The following PHACTR2 variants were observed in gnomAD, a reference collection of about 807,000 sequenced individuals.
PHACTR2 encodes chromosome 6 open reading frame 56.
PHACTR2 carries 30 observed loss-of-function variants against 76.0 expected under a neutral mutation model. That is an observed-to-expected ratio of 0.39 (90% CI 0.30 to 0.54). The LOEUF (loss-of-function observed/expected upper bound fraction) is 0.54. Among genes scored for constraint, PHACTR2 ranks in the 20% least tolerant of loss-of-function variants. The probability of loss-of-function intolerance (pLI) is 0.61; values close to 1 mark genes in which losing one functional copy is unlikely to be tolerated. For missense variants in PHACTR2, 696 were observed against 781.1 expected (o/e 0.89, Z 1.30); for synonymous variants, 292 against 292.5 (o/e 1.00, Z 0.02).
chr6:143,779,123 G>A (rs1775357415), intron 9 of PHACTR2, among the ~76,000 whole-genome samples: 2 of 152,288 alleles, frequency 1.3e-5, no homozygotes, highest in South Asian at 4.1e-4. Flanking sequence ...ACAGCCAAGG[G>A]AGGCAGAAGA....
At chr6:143,682,805 T>G (rs1032090509) in intron 1 of PHACTR2, among the ~76,000 whole-genome samples, 9 of 152,124 alleles carry the variant, frequency 5.9e-5, no homozygotes, top group African/African-American at 2.2e-4. Flanking sequence ...TTTTTACCAT[T>G]AACTGTGCTA....
At chr6:143,555,576 T>G (rs901699376) in intron 1 of PHACTR2, among the ~76,000 whole-genome samples, 2 of 152,168 alleles carry the variant, frequency 1.3e-5, no homozygotes, top group Non-Finnish European at 2.9e-5. Flanking sequence ...CACAGAAATA[T>G]TTTACATTTT....
intron 9 of PHACTR2, among the ~76,000 whole-genome samples, chr6:143,781,679 A>G (rs1478944053): frequency 6.6e-6 from 1 of 152,210 alleles, no homozygotes; most frequent in East Asian, 1.9e-4. Context: ...TTGACAATCC[A>G]CAAGCTTTAT....
At chr6:143,810,883 A>T (rs910697865) in intron 12 of PHACTR2, among the ~76,000 whole-genome samples, 2 of 151,776 alleles carry the variant, frequency 1.3e-5, no homozygotes, top group East Asian at 3.9e-4. Flanking sequence ...TTTGTCTTTT[A>T]TATGGATTGG....
intron 1 of PHACTR2, among the ~76,000 whole-genome samples, chr6:143,649,098 CA>C (rs1172489441): frequency 6.6e-6 from 1 of 152,010 alleles, no homozygotes; most frequent in Non-Finnish European, 1.5e-5. Context: ...TTTGCCTTTC[CA>C]CATGGCTTCT....
intron 2 of PHACTR2, among the ~76,000 whole-genome samples, chr6:143,741,899 C>A (rs540653405): frequency 1.3e-5 from 2 of 152,060 alleles, no homozygotes; most frequent in East Asian, 3.9e-4. Context: ...GTCAGGAGTT[C>A]GAGACCAGCC....
Position 143,732,521 on chromosome 6 carries a change from A to G in PHACTR2, c.215-16464A>G, listed in dbSNP as rs548231968. On this transcript the variant is annotated intron_variant, in intron 2 of 12. Transcript: ENST00000440869. ...ATATACCACATTTTATTTATTCATC[A>G]GTTGCTGGACGTTGGGTTTCTTTCT... is the stretch of plus-strand genomic sequence containing the variant. Among the ~76,000 whole-genome samples, 251 of 152,318 alleles carry G rather than the reference A, an allele frequency of 1.6e-3. 1 individual carries two copies. Among genetic ancestry groups the G allele is most frequent in the African/African-American group, 5.6e-3 (233 of 41,576 alleles).
Position 143,736,242 on chromosome 6 carries a change from C to G in PHACTR2, c.215-12743C>G, listed in dbSNP as rs1312489158. 2.6e-5 allele frequency among the ~76,000 whole-genome samples: 4 copies of G among 152,144 alleles called. No individual in the cohort carries two copies. In the East Asian group the frequency reaches 7.7e-4, roughly 29 times the overall value. On this transcript the variant is annotated intron_variant, in intron 2 of 12. Coordinates refer to ENST00000440869, the MANE Select transcript of PHACTR2 (RefSeq NM_001100164.2). ...AATGCCTGCAATCTTCTCAGTTACC[C>G]TATGATGCAGGTTACTATTATAATC...
intron 1 of PHACTR2, among the ~76,000 whole-genome samples, chr6:143,574,742 T>G (rs1260573534): frequency 6.6e-6 from 1 of 151,852 alleles, no homozygotes; most frequent in East Asian, 1.9e-4. Context: ...AAATTTGATG[T>G]GAATATTTTC....
At chr6:143,762,622 A>T (rs765773906) in intron 5 of PHACTR2, among the ~76,000 whole-genome samples, 1 of 152,198 alleles carries the variant, frequency 6.6e-6, no homozygotes, top group Non-Finnish European at 1.5e-5. Context: ...GTTTTATTTG[A>T]ATAATATGGA....
In PHACTR2 at chr6:143,803,898, G is replaced by T. The variant is rs9386048; in HGVS notation, c.1846-3159G>T. Reference sequence around the variant, plus strand: ...TATCCTGAGGTAAACAACTGCAGCCGTTAGTGTTGCCAGGCAAATATTCTC... The same window carrying T: ...TATCCTGAGGTAAACAACTGCAGCCTTTAGTGTTGCCAGGCAAATATTCTC... On this transcript the variant is annotated intron_variant, in intron 11 of 12. Coordinates refer to ENST00000440869, the MANE Select transcript of PHACTR2 (RefSeq NM_001100164.2). The surrounding 1 kb of genome is among the most constrained non-coding windows in gnomAD (Gnocchi z 4.7). Among the ~76,000 whole-genome samples the T allele has an allele frequency of 6.6e-6, 1 of 152,000 alleles. No homozygotes were observed. The highest frequency in any genetic ancestry group is 1.5e-5 in the Non-Finnish European group (1 of 68,014).
Position 143,619,985 on chromosome 6 carries a change from A to G in PHACTR2, c.13+11663A>G, listed in dbSNP as rs1237765063. 6.6e-6 allele frequency among the ~76,000 whole-genome samples: 1 copy of G among 152,134 alleles called. No individual in the cohort carries two copies. The highest frequency in any genetic ancestry group is 2.4e-5 in the African/African-American group (1 of 41,424). ...GGGGGGTCAGTTCATTTGTTCAAAC[A>G]GTAAGCATTTCACAACATTCATTAA... On this transcript the variant is annotated intron_variant, in intron 1 of 11. Coordinates refer to the PHACTR2 transcript ENST00000305766. This position sits in a 1 kb window ranked among gnomAD's most constrained non-coding sequence, Gnocchi z 4.5.
intron 2 of PHACTR2, among the ~76,000 whole-genome samples, chr6:143,748,034 A>G (rs1169147646): frequency 6.6e-6 from 1 of 152,012 alleles, no homozygotes; most frequent in Non-Finnish European, 1.5e-5. Flanking sequence ...TAAGATCCCC[A>G]TGGCTTTACA....
At chr6:143,603,397 G>A (rs552196318), upstream of PHACTR2, among the ~76,000 whole-genome samples, 2 of 150,432 alleles carry the variant, frequency 1.3e-5, no homozygotes, top group East Asian at 3.9e-4. Flanking sequence ...AAGGAGCAGT[G>A]TATGTTGCTC....
rs1300941000 is a variant in PHACTR2 at position 143,671,637 on chromosome 6, A to AT, written c.14-40375dup. ...GCTCTATGAGTGCAGGTGTTTTTGT[A>AT]TTTTGTATAATTCTGTCTCCTAAGT... On this transcript the variant is annotated intron_variant, in intron 1 of 11. Transcript: ENST00000305766. The surrounding 1 kb of genome is among the most constrained non-coding windows in gnomAD (Gnocchi z 4.6). Among the ~76,000 whole-genome samples, 2 of 152,300 alleles carry AT rather than the reference A, an allele frequency of 1.3e-5. No homozygotes were observed. The highest frequency in any genetic ancestry group is 4.8e-5 in the African/African-American group (2 of 41,550).
chr6:143,622,009 T>C (rs986596373), intron 1 of PHACTR2, among the ~76,000 whole-genome samples: 2 of 152,144 alleles, frequency 1.3e-5, no homozygotes, highest in African/African-American at 4.8e-5. Context: ...ATCAAGAGTG[T>C]TATCCTTTTG....
Position 143,659,906 on chromosome 6 carries a change from A to C in PHACTR2, c.13+51584A>C, listed in dbSNP as rs79475382. Among the ~76,000 whole-genome samples the C allele has an allele frequency of 7.0e-3, 1,072 of 152,320 alleles. 3 individuals are homozygous for C. The highest frequency in any genetic ancestry group is 0.011 in the Non-Finnish European group (749 of 68,014). On this transcript the variant is annotated intron_variant, in intron 1 of 11. Transcript: ENST00000305766. This position sits in a 1 kb window ranked among gnomAD's most constrained non-coding sequence, Gnocchi z 5.0. Reference sequence around the variant, plus strand: ...CCAAATCAATTTTTAAACAAAAGACAAAGGCCAGTAACATTAAAAGAGAAG... The same window carrying C: ...CCAAATCAATTTTTAAACAAAAGACCAAGGCCAGTAACATTAAAAGAGAAG...
At position 143,689,331 on chromosome 6, in the gene PHACTR2, A is replaced by C. The variant is rs947419423; in HGVS notation, c.46+11122A>C. Among the ~76,000 whole-genome samples, 1 of 152,316 alleles carries C rather than the reference A, an allele frequency of 6.6e-6. No homozygotes were observed. The highest frequency in any genetic ancestry group is 6.5e-5 in the Admixed American group (1 of 15,302). On this transcript the variant is annotated intron_variant, in intron 1 of 12. Coordinates refer to ENST00000440869, the MANE Select transcript of PHACTR2 (RefSeq NM_001100164.2). The surrounding 1 kb of genome is among the most constrained non-coding windows in gnomAD (Gnocchi z 4.4). ...CTAAAAGACGTTATCTGTCTTGTTC[A>C]CCAATGTCTCTTCTTATTCCTAGGT...
At chr6:143,626,054 AT>A (rs1479859145) in intron 1 of PHACTR2, among the ~76,000 whole-genome samples, 10 of 152,248 alleles carry the variant, frequency 6.6e-5, no homozygotes, top group Non-Finnish European at 1.2e-4. Context: ...GGTGAACGCT[AT>A]TTTTTATTTC....
Sources: gnomAD v4.1 joint callset for allele counts (sites outside exome capture counted in the v4.1 genomes callset) on GRCh38, gnomAD v4.1.1 for gene constraint, Gnocchi (gnomAD v3.1) non-coding constraint, MANE v1.5 for transcripts, NCBI Gene and HGNC (gene_info 2026-07-23, HGNC 2026-07-21) for gene names.